The following TAGLN2 variants were observed in gnomAD, a reference collection of about 807,000 sequenced individuals.
The protein encoded by TAGLN2 is transgelin-2.
Under a neutral mutation model 24.9 loss-of-function variants are expected in TAGLN2, and 14 were observed. That is an observed-to-expected ratio of 0.56 (90% CI 0.37 to 0.88). The LOEUF is 0.88. Among genes scored for constraint, TAGLN2 ranks in the 40% least tolerant of loss-of-function variants. TAGLN2 has a pLI of 0.00. For missense variants in TAGLN2, 208 were observed against 258.9 expected (o/e 0.80, Z 1.35); for synonymous variants, 77 against 98.2 (o/e 0.78, Z 1.28).
chr1:159,921,804 C>G (rs1452287254), intron 1 of TAGLN2, among the ~76,000 whole-genome samples: 3 of 152,224 alleles, frequency 2.0e-5, no homozygotes, highest in Non-Finnish European at 4.4e-5. Context: ...GTGTTCCCAC[C>G]ACACTCACCA....
At position 159,918,756 on chromosome 1, in the gene TAGLN2, T is replaced by C. The variant is rs780897933; in HGVS notation, c.*44A>G. 6 of 1,601,870 alleles carry C rather than the reference T, an allele frequency of 3.7e-6. No individual in the cohort carries two copies. The highest frequency in any genetic ancestry group is 1.1e-5 in the South Asian group (1 of 89,324). On this transcript the variant is annotated 3_prime_UTR_variant, in exon 5 of 5. Transcript: ENST00000368097. Reference sequence around the variant, plus strand: ...CTGCTAAAATATATATCTACATATATATTAACCATTCGTGGGAGGGCAGGG... The same window carrying C: ...CTGCTAAAATATATATCTACATATACATTAACCATTCGTGGGAGGGCAGGG...
chr1:159,919,604 C>G (rs1650460078), intron 3 of TAGLN2, 57 bp downstream of exon 3: 1 of 1,593,178 alleles, frequency 6.3e-7, no homozygotes. Flanking sequence ...GTCAAGAGGG[C>G]CCAGCCCAAT....
At chr1:159,923,593 G>A in intron 1 of TAGLN2, 1 of 1,079,260 alleles carries the variant, frequency 9.3e-7, no homozygotes, top group Non-Finnish European at 1.3e-6. Flanking sequence ...TTTGGGACAG[G>A]GAGTGTTCTC....
At chr1:159,920,614 C>G in intron 1 of TAGLN2, 77 bp from the exon 2 acceptor site, 1 of 1,523,190 alleles carries the variant, frequency 6.6e-7, no homozygotes, top group Admixed American at 2.0e-5. Context: ...ATTCTGCCTG[C>G]AGGGATATAC....
chr1:159,923,141 C>G (rs538764666), intron 1 of TAGLN2, among the ~76,000 whole-genome samples: 1 of 152,364 alleles, frequency 6.6e-6, no homozygotes, highest in African/African-American at 2.4e-5. Flanking sequence ...CCCAGGGGAC[C>G]TGCCCCTGCC....
chr1:159,919,398 T>G, intron 3 of TAGLN2, 22 bp from the exon 4 acceptor site: 2 of 1,611,484 alleles, frequency 1.2e-6, no homozygotes, highest in Non-Finnish European at 1.7e-6. Flanking sequence ...AATGGGAATG[T>G]GTCAGCCTCC....
intron 2 of TAGLN2, chr1:159,920,039 A>G (rs2101865602): frequency 2.6e-6 from 2 of 760,190 alleles, no homozygotes; most frequent in East Asian, 2.7e-5. Context: ...GCCAGTGTTT[A>G]GTCTTTCCTT....
intron 2 of TAGLN2, 126 bp from the exon 3 acceptor site, chr1:159,919,961 A>C: frequency 9.4e-7 from 1 of 1,065,430 alleles, no homozygotes; most frequent in East Asian, 2.4e-5. Flanking sequence ...GACAGCTTGG[A>C]CTCTTTCACT....
At chr1:159,924,805 GGGC>G (rs1650649450) in intron 1 of TAGLN2, among the ~76,000 whole-genome samples, 1 of 152,156 alleles carries the variant, frequency 6.6e-6, no homozygotes, top group South Asian at 2.1e-4. Context: ...ACCTCACACA[GGGC>G]ACCCCGGGGC....
At position 159,918,600 on chromosome 1, in the gene TAGLN2, T is replaced by G; in HGVS notation, c.*200A>C. On this transcript the variant is annotated 3_prime_UTR_variant, in exon 5 of 5. Transcript: ENST00000368097. ...CCAGTTGGTCCAGTTTTGATGGCTA[T>G]GGGGAAGGGAATGTATTAGTAAGCA... 1 of 692,394 alleles carries G rather than the reference T, an allele frequency of 1.4e-6. No individual in the cohort carries two copies. Among genetic ancestry groups the G allele is most frequent in the Non-Finnish European group, 2.3e-6 (1 of 435,048 alleles). 42.9% of individuals were successfully genotyped at this position (692,394 alleles called of 1,614,324 possible).
At chr1:159,923,695 C>A in intron 1 of TAGLN2, 1 of 429,730 alleles carries the variant, frequency 2.3e-6, no homozygotes, top group Non-Finnish European at 4.1e-6. Context: ...AGGGAACCAC[C>A]GTAGGGCAGC....
intron 3 of TAGLN2, 60 bp from the exon 4 acceptor site, chr1:159,919,436 C>G: frequency 6.4e-7 from 1 of 1,555,186 alleles, no homozygotes; most frequent in Non-Finnish European, 8.9e-7. Context: ...AGGGTTCCGC[C>G]TCTATCGCTA....
At chr1:159,923,883 T>C (rs1454748740) in intron 1 of TAGLN2, among the ~76,000 whole-genome samples, 3 of 151,956 alleles carry the variant, frequency 2.0e-5, no homozygotes, top group African/African-American at 7.3e-5. Flanking sequence ...AACACAGACG[T>C]TGTGGTGAGC....
chr1:159,923,501 T>G (rs1337410752), intron 1 of TAGLN2: 1 of 1,543,830 alleles, frequency 6.5e-7, no homozygotes, highest in Non-Finnish European at 8.7e-7. Flanking sequence ...TCAGGGTTCT[T>G]GGCTAGGGTG....
rs2185211 is a variant in TAGLN2 at position 159,924,046 on chromosome 1, T to G, written c.-29+1404A>C. Among the ~76,000 whole-genome samples the G allele has an allele frequency of 2.9e-3, 447 of 152,130 alleles. 5 individuals carry two copies. The highest frequency in any genetic ancestry group is 0.022 in the Admixed American group (332 of 15,272). On this transcript the variant is annotated intron_variant, in intron 1 of 4. Coordinates refer to ENST00000368097, the MANE Select transcript of TAGLN2 (RefSeq NM_003564.3). ...CCCGTGTTGGGGTGAAGAAGAGGAC[T>G]CAGGAAGTAGTTGTTCAGGAGAAGA...
chr1:159,920,070 T>C, intron 2 of TAGLN2: 1 of 763,756 alleles, frequency 1.3e-6, no homozygotes, highest in African/African-American at 1.7e-5. Flanking sequence ...CCTCCCACAG[T>C]TCTTTCCTTA....
At chr1:159,921,771 T>C (rs146108755) in intron 1 of TAGLN2, among the ~76,000 whole-genome samples, 5 of 152,300 alleles carry the variant, frequency 3.3e-5, no homozygotes, top group African/African-American at 9.6e-5. Flanking sequence ...ATGGCCTGAG[T>C]TGGCGGACCT....
At chr1:159,923,700 G>A in intron 1 of TAGLN2, 6 of 414,586 alleles carry the variant, frequency 1.4e-5, no homozygotes, top group African/African-American at 2.2e-5. Context: ...ACCACCGTAG[G>A]GCAGCCCCTC....
rs768602219 is a variant in TAGLN2, at chr1:159,919,768, G to C, written c.248C>G (p.Ser83Cys). The change falls in exon 3 of 5, where the codon TCC (serine) becomes TGC (cysteine). Residue 83 changes from serine (S) to cysteine (C), a missense_variant. Ser to Cys is a moderately radical substitution (Grantham distance 112). Transcript: ENST00000368097. Reference sequence around the variant, plus strand: ...CTCCATCTGCTTGAAGGCCATGGTGGAGGCCTGGATCTTCTTTACTGGGGC... The same window carrying C: ...CTCCATCTGCTTGAAGGCCATGGTGCAGGCCTGGATCTTCTTTACTGGGGC... ...GQAPVKKIQA[S>C]TMAFKQMEQI... is the part of the protein sequence containing the mutation. The C allele has an allele frequency of 6.2e-7, 1 of 1,614,070 alleles. No individual in the cohort carries two copies. Among genetic ancestry groups the C allele is most frequent in the Non-Finnish European group, 8.5e-7 (1 of 1,179,974 alleles).
Sources: gnomAD v4.1 joint callset for allele counts (sites outside exome capture counted in the v4.1 genomes callset) on GRCh38, gnomAD v4.1.1 for gene constraint, MANE v1.5 for transcripts, NCBI Gene and HGNC (gene_info 2026-07-23, HGNC 2026-07-21) for gene names.